Variants in ARHGAP31 observed in about 807,000 individuals in gnomAD.
ARHGAP31 encodes rho GTPase-activating protein 31.
A neutral mutation model predicts 113.9 loss-of-function variants in ARHGAP31; 34 were observed. The observed-to-expected ratio is 0.30, with a 90% confidence interval of 0.23 to 0.40. The LOEUF is 0.40. ARHGAP31 is among the 10% of genes least tolerant of loss of function. ARHGAP31 has a pLI of 1.00. For missense variants in ARHGAP31, 1,548 were observed against 1,767.1 expected, an observed-to-expected ratio of 0.88 and a Z score of 2.22; for synonymous variants, 650 against 684.8, an observed-to-expected ratio of 0.95 and a Z score of 0.79.
intron 1 of ARHGAP31, among the ~76,000 whole-genome samples, chr3:119,305,555 T>G (rs979126094): frequency 7.2e-5 from 11 of 152,248 alleles, no homozygotes; most frequent in African/African-American, 2.7e-4. Flanking sequence ...GCTTTTGTCT[T>G]GCTGTTCTGC....
At chr3:119,402,727 A>C (rs962979895) in intron 10 of ARHGAP31, among the ~76,000 whole-genome samples, 1 of 152,224 alleles carries the variant, frequency 6.6e-6, no homozygotes, top group African/African-American at 2.4e-5. Flanking sequence ...AATATTACCT[A>C]TTATTATTTT....
At chr3:119,360,595 G>T (rs941520395) in intron 1 of ARHGAP31, among the ~76,000 whole-genome samples, 2 of 152,178 alleles carry the variant, frequency 1.3e-5, no homozygotes, top group Admixed American at 6.5e-5. Flanking sequence ...CCTTCAAGAG[G>T]TTAGGACATG....
chr3:119,410,476 G>A (rs4688002), intron 11 of ARHGAP31, among the ~76,000 whole-genome samples: 29,271 of 152,078 alleles, frequency 0.19, 3,048 homozygotes, highest in East Asian at 0.28. Context: ...TTTTCAGGAC[G>A]TGCACAAAAG....
chr3:119,306,830 A>C (rs900991539), intron 1 of ARHGAP31, among the ~76,000 whole-genome samples: 1 of 152,188 alleles, frequency 6.6e-6, no homozygotes, highest in Admixed American at 6.5e-5. Context: ...ACACAGAAAG[A>C]AGCAGCTATG....
chr3:119,332,484 G>A (rs2079899847), intron 1 of ARHGAP31, among the ~76,000 whole-genome samples: 1 of 152,106 alleles, frequency 6.6e-6, no homozygotes, highest in South Asian at 2.1e-4. Flanking sequence ...ACATAGGCAA[G>A]AGCCACCGCA....
At chr3:119,313,811 A>C (rs2079705020) in intron 1 of ARHGAP31, among the ~76,000 whole-genome samples, 2 of 152,250 alleles carry the variant, frequency 1.3e-5, no homozygotes, top group South Asian at 4.1e-4. Flanking sequence ...CCTAAACTGA[A>C]AACATATCCT....
chr3:119,402,204 G>T lies in ARHGAP31; in HGVS notation c.1452G>T (p.Leu484=). 1 of 1,614,282 alleles carries T rather than the reference G, an allele frequency of 6.2e-7. No individual in the cohort carries two copies. Among genetic ancestry groups the T allele is most frequent in the Non-Finnish European group, 8.5e-7 (1 of 1,180,052 alleles). The change falls in exon 10 of 12, where the codon CTG becomes CTT. Residue 484 remains leucine, a synonymous_variant. Coordinates refer to ENST00000264245, the MANE Select transcript of ARHGAP31 (RefSeq NM_020754.4). Reference sequence around the variant, plus strand: ...CGCCGCGTAACCAGCGCAAGGCGCTGAACATCTCCGAGCCCTTTGCGGTAT... The same window carrying T: ...CGCCGCGTAACCAGCGCAAGGCGCTTAACATCTCCGAGCCCTTTGCGGTAT... ...EPSPRNQRKA[L]NISEPFAVSV...
chr3:119,406,948 T>A (rs1006325070), intron 10 of ARHGAP31, among the ~76,000 whole-genome samples: 1 of 152,138 alleles, frequency 6.6e-6, no homozygotes, highest in Non-Finnish European at 1.5e-5. Context: ...TCCCTCTCAC[T>A]TTCTCATTTC....
At chr3:119,407,301 C>T (rs752697254) in intron 10 of ARHGAP31, among the ~76,000 whole-genome samples, 14 of 149,170 alleles carry the variant, frequency 9.4e-5, no homozygotes, top group South Asian at 6.3e-4. Flanking sequence ...AAGCTGAGAT[C>T]GCACCACTGC....
chr3:119,312,837 C>T (rs925558408), intron 1 of ARHGAP31, among the ~76,000 whole-genome samples: 1 of 152,176 alleles, frequency 6.6e-6, no homozygotes, highest in Non-Finnish European at 1.5e-5. Context: ...TGGTGCTACC[C>T]AGGAACTAAA....
chr3:119,304,408 C>T (rs948888391), intron 1 of ARHGAP31, among the ~76,000 whole-genome samples: 1 of 152,086 alleles, frequency 6.6e-6, no homozygotes, highest in African/African-American at 2.4e-5. Context: ...ATCATCTGAC[C>T]GAGTTATGAC....
At chr3:119,307,521 A>G (rs932519843) in intron 1 of ARHGAP31, among the ~76,000 whole-genome samples, 2 of 152,216 alleles carry the variant, frequency 1.3e-5, no homozygotes, top group Non-Finnish European at 2.9e-5. Context: ...TTGTATGTAC[A>G]CAATTATTTA....
chr3:119,381,656 A>G (rs1016998123), intron 4 of ARHGAP31, among the ~76,000 whole-genome samples: 9 of 152,196 alleles, frequency 5.9e-5, no homozygotes, highest in African/African-American at 1.9e-4. Flanking sequence ...CTTGGAGGCC[A>G]TCCTGCCCTG....
chr3:119,317,400 G>A (rs765379560), intron 1 of ARHGAP31, among the ~76,000 whole-genome samples: 2 of 152,038 alleles, frequency 1.3e-5, no homozygotes, highest in African/African-American at 2.4e-5. Context: ...GGATGGTCTC[G>A]ATCTCCTGAC....
intron 5 of ARHGAP31, among the ~76,000 whole-genome samples, chr3:119,382,666 T>C (rs1006874613): frequency 2.6e-5 from 4 of 152,244 alleles, no homozygotes; most frequent in African/African-American, 9.6e-5. Context: ...TTAAAATTTC[T>C]TGAAAAGGCC....
intron 1 of ARHGAP31, among the ~76,000 whole-genome samples, chr3:119,307,143 G>T (rs1424758090): frequency 6.6e-6 from 1 of 151,938 alleles, no homozygotes; most frequent in Non-Finnish European, 1.5e-5. Context: ...TTTGCTGATA[G>T]ACTACCATGA....
chr3:119,407,355 A>AAAAAAAAG (rs1553767483), intron 10 of ARHGAP31, among the ~76,000 whole-genome samples: 2 of 135,668 alleles, frequency 1.5e-5, no homozygotes, highest in African/African-American at 5.6e-5. Flanking sequence ...TCGAAAAAAA[A>AAAAAAAAG]AAAGAAAGAA....
intron 1 of ARHGAP31, among the ~76,000 whole-genome samples, chr3:119,295,401 A>G (rs2079524449): frequency 6.9e-6 from 1 of 144,962 alleles, no homozygotes; most frequent in East Asian, 2.0e-4. Context: ...GTACAAAATC[A>G]TGACCGCCTT....
At chr3:119,328,631 T>TTCTC (rs1553760611) in intron 1 of ARHGAP31, among the ~76,000 whole-genome samples, 4 of 151,854 alleles carry the variant, frequency 2.6e-5, no homozygotes, top group African/African-American at 9.7e-5. Flanking sequence ...AACTCCACCT[T>TTCTC]TTTCTTTCTT....
Sources: allele counts gnomAD v4.1 joint callset (sites outside exome capture counted in the v4.1 genomes callset), GRCh38; gene constraint gnomAD v4.1.1; transcripts MANE v1.5; gene names NCBI Gene and HGNC (gene_info 2026-07-23, HGNC 2026-07-21).